PRKG1: variants seen among roughly 807,000 people sequenced by gnomAD.
PRKG1 encodes the protein protein kinase cGMP-dependent 1.
PRKG1 carries 35 observed loss-of-function variants against 88.1 expected under a neutral mutation model. That is an observed-to-expected ratio of 0.40 (90% CI 0.30 to 0.53). PRKG1 has a LOEUF of 0.53. Ranked by LOEUF, PRKG1 falls within the 20% of genes least tolerant of loss-of-function variation. The pLI, the probability that PRKG1 is intolerant of heterozygous loss-of-function variation, is 0.59. For missense variants in PRKG1, 540 were observed against 839.8 expected (o/e 0.64, Z 4.41); for synonymous variants, 303 against 292.5 (o/e 1.04, Z -0.37).
At chr10:51,146,106 A>C (rs1042082126) in intron 1 of PRKG1, among the ~76,000 whole-genome samples, 3 of 151,914 alleles carry the variant, frequency 2.0e-5, no homozygotes, top group African/African-American at 7.3e-5. Flanking sequence ...GGAGAATGGC[A>C]TGAACCCGGG....
intron 7 of PRKG1, among the ~76,000 whole-genome samples, chr10:52,126,805 G>A (rs1203681477): frequency 6.6e-6 from 1 of 152,164 alleles, no homozygotes; most frequent in Non-Finnish European, 1.5e-5. Flanking sequence ...CATATTTTGA[G>A]GAAACAGTTA....
intron 1 of PRKG1, among the ~76,000 whole-genome samples, chr10:51,151,989 C>T (rs1055019445): frequency 6.6e-6 from 1 of 152,004 alleles, no homozygotes; most frequent in Non-Finnish European, 1.5e-5. Flanking sequence ...AAAATTAAGA[C>T]TTTTAATATG....
At chr10:51,903,143 C>T (rs1842015984) in intron 4 of PRKG1, among the ~76,000 whole-genome samples, 1 of 152,010 alleles carries the variant, frequency 6.6e-6, no homozygotes, top group Admixed American at 6.6e-5. Flanking sequence ...ATACAGCTGT[C>T]CTCTTCAAAA....
chr10:51,101,569 G>T (rs976796942), intron 1 of PRKG1, among the ~76,000 whole-genome samples: 6 of 152,064 alleles, frequency 3.9e-5, no homozygotes, highest in Admixed American at 3.9e-4. Flanking sequence ...TATATGACAT[G>T]ATTTCTAGTT....
At chr10:52,250,935 T>C (rs1241041425) in intron 9 of PRKG1, among the ~76,000 whole-genome samples, 1 of 152,112 alleles carries the variant, frequency 6.6e-6, no homozygotes, top group Non-Finnish European at 1.5e-5. Context: ...GAGTATTGGC[T>C]ACAAGTCAGT....
intron 3 of PRKG1, among the ~76,000 whole-genome samples, chr10:51,690,724 G>A (rs1021683199): frequency 2.0e-5 from 3 of 151,760 alleles, no homozygotes; most frequent in Admixed American, 1.3e-4. Flanking sequence ...TCCAGAGATC[G>A]AGGCCATCCT....
At chr10:51,686,255 T>G (rs1403285462) in intron 3 of PRKG1, among the ~76,000 whole-genome samples, 1 of 152,138 alleles carries the variant, frequency 6.6e-6, no homozygotes, top group East Asian at 1.9e-4. Flanking sequence ...ACCCAGGTAA[T>G]AAGCATAGTA....
At chr10:51,705,182 C>T (rs1168153682) in intron 3 of PRKG1, among the ~76,000 whole-genome samples, 3 of 152,040 alleles carry the variant, frequency 2.0e-5, no homozygotes, top group African/African-American at 7.2e-5. Context: ...TCTTCCCTCC[C>T]CCATGTTTAA....
intron 2 of PRKG1, among the ~76,000 whole-genome samples, chr10:51,415,912 TGTG>T (rs1241669520): frequency 1.1e-5 from 1 of 94,560 alleles, no homozygotes; most frequent in Non-Finnish European, 2.3e-5. Flanking sequence ...GAGCTTCCAG[TGTG>T]TGTGTGTGTG....
At chr10:51,683,318 T>TCAAAACAAAA (rs201618594) in intron 3 of PRKG1, among the ~76,000 whole-genome samples, 1,931 of 150,924 alleles carry the variant, frequency 0.013, 12 homozygotes, top group Non-Finnish European at 0.018. Flanking sequence ...AGGCTCTGTC[T>TCAAAACAAAA]CAAAACAAAA....
intron 5 of PRKG1, among the ~76,000 whole-genome samples, chr10:51,997,469 C>CAAA (rs200543963): frequency 1.4e-5 from 1 of 71,622 alleles, no homozygotes; most frequent in African/African-American, 3.6e-5. Context: ...GACTCTGTCT[C>CAAA]AAAAAAAAAA....
intron 2 of PRKG1, among the ~76,000 whole-genome samples, chr10:51,308,686 A>G (rs1348692548): frequency 6.6e-6 from 1 of 152,156 alleles, no homozygotes; most frequent in Non-Finnish European, 1.5e-5. Flanking sequence ...AAATTGTTCA[A>G]GTAGGTTGAG....
At chr10:51,049,974 G>A (rs1446290394) in intron 1 of PRKG1, among the ~76,000 whole-genome samples, 3 of 152,054 alleles carry the variant, frequency 2.0e-5, no homozygotes, top group Admixed American at 1.3e-4. Flanking sequence ...TTATGGAAGC[G>A]TGTGGAAACT....
intron 1 of PRKG1, among the ~76,000 whole-genome samples, chr10:51,037,397 G>A (rs1315755717): frequency 6.6e-6 from 1 of 152,166 alleles, no homozygotes; most frequent in East Asian, 1.9e-4. Context: ...CTGGAAGGTC[G>A]AGGCTGCAGT....
rs1021124989 is a variant in PRKG1 at position 52,208,058 on chromosome 10, G to T, written c.1077-43512G>T. Among the ~76,000 whole-genome samples the T allele has an allele frequency of 5.3e-5, 8 of 152,280 alleles. No individual in the cohort carries two copies. In the South Asian group the frequency reaches 1.7e-3, roughly 32 times the overall value. On this transcript the variant is annotated intron_variant, in intron 9 of 17. Transcript: ENST00000373980. The stretch of plus-strand genomic sequence containing the variant: ...TTAGATGACTTCACAGATAGCTGTG[G>T]AGTTGAAGGCTACACTGTGAGGCAG...
At chr10:51,786,681 A>G (rs1589285928) in intron 3 of PRKG1, among the ~76,000 whole-genome samples, 1 of 152,182 alleles carries the variant, frequency 6.6e-6, no homozygotes, top group East Asian at 1.9e-4. Context: ...GAGGAAATAT[A>G]TGTGTCTTGC....
chr10:51,147,920 AT>A (rs1251940324), intron 1 of PRKG1, among the ~76,000 whole-genome samples: 6 of 152,136 alleles, frequency 3.9e-5, no homozygotes, highest in African/African-American at 1.4e-4. Flanking sequence ...GCAGGATTAA[AT>A]TTTATCTTTA....
At chr10:51,995,203 G>C (rs1030190057) in intron 5 of PRKG1, among the ~76,000 whole-genome samples, 4 of 151,754 alleles carry the variant, frequency 2.6e-5, no homozygotes. Context: ...GCAACTTTGG[G>C]ACCACCGAAA....
chr10:51,918,707 C>T (rs1842398181), intron 5 of PRKG1, among the ~76,000 whole-genome samples: 1 of 152,128 alleles, frequency 6.6e-6, no homozygotes, highest in Non-Finnish European at 1.5e-5. Context: ...CTGCCTTCAG[C>T]ATGTGTGTGA....
Sources: allele counts gnomAD v4.1 joint callset (sites outside exome capture counted in the v4.1 genomes callset), GRCh38; gene constraint gnomAD v4.1.1; transcripts MANE v1.5; gene names NCBI Gene and HGNC (gene_info 2026-07-23, HGNC 2026-07-21).